Variants in GULP1 observed in about 807,000 individuals in gnomAD.
GULP1 encodes GULP PTB domain containing engulfment adaptor 1, also known as PTB domain-containing engulfment adapter protein 1.
Under a neutral mutation model 40.9 loss-of-function variants are expected in GULP1, and 19 were observed. That is an observed-to-expected ratio of 0.46 (90% CI 0.32 to 0.68). The LOEUF (loss-of-function observed/expected upper bound fraction) is 0.68, where lower values mean the gene tolerates loss of function less well. GULP1 is among the 30% of genes least tolerant of loss of function. GULP1 has a pLI of 0.03. For missense variants in GULP1, 312 were observed against 362.2 expected (o/e 0.86, Z 1.12); for synonymous variants, 119 against 117.6 (o/e 1.01, Z -0.08).
At chr2:188,358,100 G>A (rs996532868) in intron 1 of GULP1, among the ~76,000 whole-genome samples, 1 of 152,124 alleles carries the variant, frequency 6.6e-6, no homozygotes, top group African/African-American at 2.4e-5. Flanking sequence ...AGAATTGGTT[G>A]AACCCAGGAG....
chr2:188,464,916 C>G (rs72911485), intron 2 of GULP1, among the ~76,000 whole-genome samples: 19,058 of 152,154 alleles, frequency 0.13, 1,551 homozygotes, highest in Non-Finnish European at 0.19. Flanking sequence ...TGGGCTTCCT[C>G]TCTTCCCCAG....
chr2:188,393,785 T>A (rs950136004), intron 2 of GULP1, among the ~76,000 whole-genome samples: 2 of 152,132 alleles, frequency 1.3e-5, no homozygotes, highest in Non-Finnish European at 2.9e-5. Context: ...TTTATGAAAT[T>A]TAGTTTTACT....
intron 2 of GULP1, among the ~76,000 whole-genome samples, chr2:188,410,418 G>T (rs551770756): frequency 6.6e-6 from 1 of 152,126 alleles, no homozygotes; most frequent in Non-Finnish European, 1.5e-5. Context: ...CCTATGGAAC[G>T]GGAGAATGTA....
intron 2 of GULP1, among the ~76,000 whole-genome samples, chr2:188,384,932 A>G (rs1199923822): frequency 6.6e-6 from 1 of 152,194 alleles, no homozygotes; most frequent in Non-Finnish European, 1.5e-5. Context: ...TTTGCAGGGT[A>G]TAGCTGCCCT....
At chr2:188,566,066 A>G (rs546558302) in intron 7 of GULP1, among the ~76,000 whole-genome samples, 1 of 152,216 alleles carries the variant, frequency 6.6e-6, no homozygotes, top group South Asian at 2.1e-4. Context: ...GGCTAGAAAT[A>G]TTCTTTATTT....
chr2:188,558,006 G>A (rs1464221960), intron 7 of GULP1, among the ~76,000 whole-genome samples: 1 of 152,186 alleles, frequency 6.6e-6, no homozygotes, highest in Admixed American at 6.5e-5. Flanking sequence ...CCTGCAATGG[G>A]AGGGTATGCT....
At chr2:188,341,724 A>C (rs1237531311) in intron 1 of GULP1, among the ~76,000 whole-genome samples, 2 of 152,326 alleles carry the variant, frequency 1.3e-5, no homozygotes, top group Non-Finnish European at 2.9e-5. Flanking sequence ...TTTTTAATAT[A>C]AATTATCACA....
chr2:188,382,096 C>T (rs1359765211), intron 1 of GULP1, among the ~76,000 whole-genome samples: 1 of 151,990 alleles, frequency 6.6e-6, no homozygotes, highest in East Asian at 1.9e-4. Context: ...TGTTGATGAT[C>T]AGCCTATAAC....
At chr2:188,558,122 C>G (rs1398382427) in intron 7 of GULP1, among the ~76,000 whole-genome samples, 1 of 152,146 alleles carries the variant, frequency 6.6e-6, no homozygotes, top group Non-Finnish European at 1.5e-5. Flanking sequence ...TTGAATTCCT[C>G]CCCTGAAAAT....
At chr2:188,372,993 G>C (rs1376632673) in intron 1 of GULP1, among the ~76,000 whole-genome samples, 3 of 151,884 alleles carry the variant, frequency 2.0e-5, no homozygotes, top group African/African-American at 7.2e-5. Flanking sequence ...TCCTTAGCTT[G>C]GGTAAATAGA....
intron 1 of GULP1, among the ~76,000 whole-genome samples, chr2:188,298,442 A>C (rs2035460186): frequency 6.6e-6 from 1 of 152,096 alleles, no homozygotes; most frequent in Admixed American, 6.6e-5. Context: ...TTGAGTAAAC[A>C]AATTTTATTT....
rs375702267 is a variant in GULP1, at chr2:188,361,837, A to G, written c.-171-21926A>G. Among the ~76,000 whole-genome samples, 4 of 152,084 alleles carry G rather than the reference A, an allele frequency of 2.6e-5. No homozygotes were observed. The East Asian group carries it at 7.7e-4, about 29-fold the overall frequency. ...GGAAGAAGCACATTTCTTTTAATAA[A>G]TGTATGTCATTTATATTCAATACAT... On this transcript the variant is annotated intron_variant, in intron 1 of 11. Coordinates refer to ENST00000409830, the MANE Select transcript of GULP1 (RefSeq NM_016315.4).
chr2:188,343,142 A>T (rs910203362), intron 1 of GULP1, among the ~76,000 whole-genome samples: 6 of 152,298 alleles, frequency 3.9e-5, no homozygotes, highest in African/African-American at 1.4e-4. Context: ...GCATTTTGCA[A>T]GTTCTGTTCC....
intron 4 of GULP1, among the ~76,000 whole-genome samples, chr2:188,519,509 G>T (rs995659566): frequency 1.3e-5 from 2 of 152,070 alleles, no homozygotes; most frequent in East Asian, 3.9e-4. Flanking sequence ...TTGCTTCTCT[G>T]CTCCTGCTAA....
chr2:188,377,284 C>T (rs1344766094), intron 1 of GULP1, among the ~76,000 whole-genome samples: 3 of 152,052 alleles, frequency 2.0e-5, no homozygotes, highest in African/African-American at 4.8e-5. Context: ...AACACACCAA[C>T]GGAAATAATA....
chr2:188,327,658 T>C (rs1574441467), intron 1 of GULP1, among the ~76,000 whole-genome samples: 1 of 152,294 alleles, frequency 6.6e-6, no homozygotes, highest in East Asian at 1.9e-4. Flanking sequence ...TGTGCACTTC[T>C]ACTCCTATTT....
chr2:188,399,228 A>G (rs1156707874), intron 2 of GULP1, among the ~76,000 whole-genome samples: 2 of 152,176 alleles, frequency 1.3e-5, no homozygotes, highest in Non-Finnish European at 2.9e-5. Context: ...CTCAGAAAAG[A>G]CAGGAGCCAG....
intron 9 of GULP1, among the ~76,000 whole-genome samples, chr2:188,578,114 T>G (rs951044462): frequency 1.3e-5 from 2 of 152,060 alleles, no homozygotes; most frequent in African/African-American, 4.8e-5. Context: ...TAAAAAGTCT[T>G]TGGATATTTT....
intron 2 of GULP1, among the ~76,000 whole-genome samples, chr2:188,471,314 G>A (rs1170763054): frequency 2.0e-5 from 3 of 151,558 alleles, no homozygotes; most frequent in African/African-American, 7.3e-5. Context: ...GCCCCACCTT[G>A]TTTAGTTAGT....
Sources: allele counts gnomAD v4.1 joint callset (sites outside exome capture counted in the v4.1 genomes callset), GRCh38; gene constraint gnomAD v4.1.1; transcripts MANE v1.5; gene names NCBI Gene and HGNC (gene_info 2026-07-23, HGNC 2026-07-21).